Variants in ATRNL1 observed in about 807,000 individuals in gnomAD.
The protein encoded by ATRNL1 is attractin-like protein 1.
In ATRNL1, 95 loss-of-function variants were observed where a neutral mutation model predicts 182.7. The observed-to-expected ratio is 0.52, with a 90% CI of 0.44 to 0.62. The LOEUF (loss-of-function observed/expected upper bound fraction) is 0.62, where lower values mean the gene tolerates loss of function less well. Ranked by LOEUF, ATRNL1 falls within the 20% of genes least tolerant of loss-of-function variation. The pLI is 0.00. For missense variants in ATRNL1, 1,471 were observed against 1,679.5 expected, an observed-to-expected ratio of 0.88 and a Z score of 2.17; for synonymous variants, 576 against 568.3, an observed-to-expected ratio of 1.01 and a Z score of -0.19.
At chr10:115,308,784 T>G (rs1466967194) in intron 17 of ATRNL1, among the ~76,000 whole-genome samples, 1 of 152,144 alleles carries the variant, frequency 6.6e-6, no homozygotes, top group African/African-American at 2.4e-5. Context: ...TTTATGTATT[T>G]TTGTTTTTGT....
chr10:115,417,850 C>T (rs1845468955), intron 20 of ATRNL1, among the ~76,000 whole-genome samples: 3 of 152,138 alleles, frequency 2.0e-5, no homozygotes, highest in Non-Finnish European at 2.9e-5. Flanking sequence ...GCTTAGACTG[C>T]CCTCTAGTGT....
chr10:115,609,449 T>C (rs1460621647), intron 26 of ATRNL1, among the ~76,000 whole-genome samples: 5 of 152,196 alleles, frequency 3.3e-5, no homozygotes, highest in Non-Finnish European at 7.3e-5. Flanking sequence ...GAATGCTTAA[T>C]TTAGAGTTAA....
intron 19 of ATRNL1, among the ~76,000 whole-genome samples, chr10:115,338,203 C>T (rs1319913846): frequency 1.3e-5 from 2 of 152,074 alleles, no homozygotes; most frequent in South Asian, 2.1e-4. Flanking sequence ...AACGTAGGAG[C>T]GCAGGTATCT....
chr10:115,356,931 A>G (rs1206311449), intron 19 of ATRNL1, among the ~76,000 whole-genome samples: 1 of 151,892 alleles, frequency 6.6e-6, no homozygotes, highest in Admixed American at 6.6e-5. Flanking sequence ...AAAACTATTC[A>G]ATAGTTTCAG....
chr10:115,728,123 A>G (rs1348824245), intron 27 of ATRNL1, among the ~76,000 whole-genome samples: 6 of 69,364 alleles, frequency 8.7e-5, no homozygotes, highest in Admixed American at 1.9e-4. Flanking sequence ...AAAAAAAAAA[A>G]AAAAGAAAAA....
intron 27 of ATRNL1, among the ~76,000 whole-genome samples, chr10:115,790,148 A>G (rs115996529): frequency 0.011 from 1,678 of 152,142 alleles, 39 homozygotes; most frequent in African/African-American, 0.039. Flanking sequence ...TTTTGAGATC[A>G]TAGAATGCAT....
chr10:115,828,974 A>G (rs1950500998), intron 27 of ATRNL1, among the ~76,000 whole-genome samples: 1 of 152,188 alleles, frequency 6.6e-6, no homozygotes, highest in Non-Finnish European at 1.5e-5. Flanking sequence ...TAGCATTTTT[A>G]GGGGAGAGGG....
chr10:115,878,531 G>A (rs1197678358), intron 28 of ATRNL1, among the ~76,000 whole-genome samples: 1 of 152,070 alleles, frequency 6.6e-6, no homozygotes, highest in Non-Finnish European at 1.5e-5. Flanking sequence ...CTCTAGTCTG[G>A]GTAGATTAAT....
At chr10:115,697,496 T>C (rs1946601424) in intron 26 of ATRNL1, among the ~76,000 whole-genome samples, 1 of 152,072 alleles carries the variant, frequency 6.6e-6, no homozygotes, top group African/African-American at 2.4e-5. Context: ...CAGCTAATTT[T>C]TGTATTTTTT....
At chr10:115,150,078 T>C (rs1312569475) in intron 5 of ATRNL1, among the ~76,000 whole-genome samples, 1 of 152,048 alleles carries the variant, frequency 6.6e-6, no homozygotes, top group East Asian at 1.9e-4. Context: ...CTTAGTAGGA[T>C]GTATGTGTCT....
intron 24 of ATRNL1, among the ~76,000 whole-genome samples, chr10:115,481,972 T>A (rs1848790649): frequency 1.3e-5 from 2 of 150,978 alleles, no homozygotes; most frequent in Non-Finnish European, 3.0e-5. Context: ...TACTATATTT[T>A]GGGTTTGATT....
Position 115,847,947 on chromosome 10 carries a change from GT to G in ATRNL1, c.3975del (p.Leu1326TyrfsTer22). 1 of 1,612,724 alleles carries G rather than the reference GT, an allele frequency of 6.2e-7. No individual in the cohort carries two copies. The highest frequency in any genetic ancestry group is 2.2e-5 in the East Asian group (1 of 44,846). On this transcript the variant is annotated frameshift_variant, in exon 28 of 29. Transcript: ENST00000355044. LOFTEE classifies it high-confidence loss of function. ...NRAAVLTVFL[C>X]LPRGSSGAPP... is the part of the protein sequence containing the mutation. The stretch of plus-strand genomic sequence containing the variant: ...GCTGCTGTTCTGACTGTGTTTCTTT[GT>G]CTACCACGAGGATCATCAGGTGCCC...
chr10:115,769,192 T>G (rs1555075732), intron 27 of ATRNL1, among the ~76,000 whole-genome samples: 1 of 152,136 alleles, frequency 6.6e-6, no homozygotes, highest in Non-Finnish European at 1.5e-5. Context: ...GTAAAAGTAA[T>G]GTATGGAGGC....
At chr10:115,675,431 AAAG>A (rs1236495906) in intron 26 of ATRNL1, among the ~76,000 whole-genome samples, 14 of 152,102 alleles carry the variant, frequency 9.2e-5, no homozygotes, top group African/African-American at 2.2e-4. Context: ...AGAAAGAAGA[AAAG>A]AAGAAGAAAA....
intron 27 of ATRNL1, among the ~76,000 whole-genome samples, chr10:115,805,252 G>T (rs1949893298): frequency 6.6e-6 from 1 of 152,128 alleles, no homozygotes; most frequent in Non-Finnish European, 1.5e-5. Context: ...AGGCCATTCG[G>T]AGGTTATTCT....
chr10:115,411,246 T>C (rs758433202), intron 20 of ATRNL1, among the ~76,000 whole-genome samples: 10 of 150,430 alleles, frequency 6.6e-5, no homozygotes, highest in South Asian at 6.2e-4. Flanking sequence ...GTTCGTATTA[T>C]AAATTCAAAT....
chr10:115,470,523 G>C (rs908869256), intron 24 of ATRNL1, among the ~76,000 whole-genome samples: 9 of 150,080 alleles, frequency 6.0e-5, no homozygotes, highest in East Asian at 2.0e-4. Flanking sequence ...AAGGGAAAAG[G>C]GTTCATCTAT....
At chr10:115,360,846 A>G (rs1335148845) in intron 19 of ATRNL1, among the ~76,000 whole-genome samples, 1 of 151,588 alleles carries the variant, frequency 6.6e-6, no homozygotes, top group Non-Finnish European at 1.5e-5. Context: ...ACACTATATT[A>G]TTTTTGTGTA....
chr10:115,921,787 G>C (rs890561491), intron 28 of ATRNL1, among the ~76,000 whole-genome samples: 1 of 151,950 alleles, frequency 6.6e-6, no homozygotes, highest in African/African-American at 2.4e-5. Flanking sequence ...GTAAAGTGTT[G>C]GTGAACCCAC....
Sources: allele counts gnomAD v4.1 joint callset (sites outside exome capture counted in the v4.1 genomes callset), GRCh38; gene constraint gnomAD v4.1.1; transcripts MANE v1.5; gene names NCBI Gene and HGNC (gene_info 2026-07-23, HGNC 2026-07-21).